ACACA: variants seen among roughly 807,000 people sequenced by gnomAD.
ACACA encodes the protein acetyl-CoA carboxylase alpha.
ACACA carries 103 observed loss-of-function variants against 296.1 expected under a neutral mutation model. The ratio of observed to expected loss-of-function variants is 0.35; its 90% CI spans 0.30 to 0.41. ACACA has a LOEUF of 0.41. ACACA is among the 10% of genes least tolerant of loss of function. The pLI, the probability that ACACA is intolerant of heterozygous loss-of-function variation, is 1.00. For synonymous variants in ACACA, 953 were observed against 1,038.6 expected (o/e 0.92, Z 1.58); for missense variants, 1,554 against 2,989.7 (o/e 0.52, Z 11.20).
At chr17:37,205,323 G>A (rs770211960) in intron 33 of ACACA, among the ~76,000 whole-genome samples, 6 of 152,120 alleles carry the variant, frequency 3.9e-5, no homozygotes, top group East Asian at 1.9e-4. Context: ...AGACGATGGC[G>A]TTTGATGTCA....
At position 37,298,642 on chromosome 17, in the gene ACACA, G is replaced by A. The variant is rs1056362313; in HGVS notation, c.339-13672C>T. ...TTCAAGGCTACTGTGAGCTATGACC[G>A]CGCCACTGCACAAGCAAATCATTCA... On this transcript the variant is annotated intron_variant, in intron 3 of 55. Coordinates refer to ENST00000616317, the MANE Select transcript of ACACA (RefSeq NM_198834.3). Among the ~76,000 whole-genome samples the A allele has an allele frequency of 5.3e-5, 8 of 152,212 alleles. No homozygotes were observed. In the East Asian group the frequency reaches 5.8e-4, roughly 11 times the overall value.
chr17:37,129,865 A>G (rs1172069082), intron 46 of ACACA, among the ~76,000 whole-genome samples: 1 of 152,202 alleles, frequency 6.6e-6, no homozygotes, highest in Non-Finnish European at 1.5e-5. Flanking sequence ...AGACATTAGA[A>G]AGGGGCCCAA....
At chr17:37,193,281 T>C (rs1272682118) in intron 36 of ACACA, 93 bp downstream of exon 36, 2 of 943,156 alleles carry the variant, frequency 2.1e-6, no homozygotes, top group Non-Finnish European at 3.3e-6. Context: ...GAAAAAAGAA[T>C]GGCAAGAAGA....
intron 50 of ACACA, among the ~76,000 whole-genome samples, chr17:37,117,789 G>GT (rs57262044): frequency 0.31 from 45,633 of 147,082 alleles, 8,885 homozygotes; most frequent in African/African-American, 0.55. Context: ...GACTAGTAGA[G>GT]TTTTTTTTTT....
intron 3 of ACACA, among the ~76,000 whole-genome samples, chr17:37,317,928 T>C (rs1469456286): frequency 6.6e-6 from 1 of 152,152 alleles, no homozygotes; most frequent in African/African-American, 2.4e-5. Flanking sequence ...GAGTACCAAG[T>C]TGCAGATCTC....
intron 1 of ACACA, among the ~76,000 whole-genome samples, chr17:37,390,251 T>TA (rs1555672161): frequency 1.8e-3 from 58 of 32,934 alleles, no homozygotes; most frequent in African/African-American, 8.5e-3. Context: ...ATTATATATA[T>TA]ATTATATATA....
chr17:37,306,851 C>T (rs1347909053), intron 3 of ACACA, among the ~76,000 whole-genome samples: 2 of 151,958 alleles, frequency 1.3e-5, no homozygotes, highest in Non-Finnish European at 2.9e-5. Flanking sequence ...AGCACCACCA[C>T]ACCCAGGTAA....
intron 2 of ACACA, among the ~76,000 whole-genome samples, chr17:37,337,564 C>T (rs2147293931): frequency 6.6e-6 from 1 of 152,192 alleles, no homozygotes; most frequent in African/African-American, 2.4e-5. Flanking sequence ...AGCAATCCTC[C>T]AACCTCAACC....
intron 5 of ACACA, among the ~76,000 whole-genome samples, chr17:37,278,320 G>A (rs940262383): frequency 1.3e-5 from 2 of 152,180 alleles, no homozygotes; most frequent in African/African-American, 4.8e-5. Flanking sequence ...AGGGGCCCAA[G>A]TGCAATTACT....
At chr17:37,329,894 C>A (rs1299615364) in intron 3 of ACACA, among the ~76,000 whole-genome samples, 1 of 151,770 alleles carries the variant, frequency 6.6e-6, no homozygotes, top group East Asian at 1.9e-4. Context: ...TGAGCTGAGA[C>A]CGCACCACTG....
chr17:37,142,598 A>C (rs1216694687), intron 45 of ACACA, among the ~76,000 whole-genome samples: 2 of 152,246 alleles, frequency 1.3e-5, no homozygotes, highest in African/African-American at 4.8e-5. Flanking sequence ...ATGGGAGTAC[A>C]GGGACTGTCT....
At chr17:37,204,479 T>C (rs1350540571) in intron 33 of ACACA, among the ~76,000 whole-genome samples, 2 of 152,234 alleles carry the variant, frequency 1.3e-5, no homozygotes, top group South Asian at 2.1e-4. Flanking sequence ...TCCTGACTTA[T>C]CTAACCCCAT....
intron 41 of ACACA, among the ~76,000 whole-genome samples, chr17:37,165,495 A>T (rs938642043): frequency 3.3e-5 from 5 of 152,088 alleles, no homozygotes; most frequent in African/African-American, 1.2e-4. Flanking sequence ...TAGAAGCAGA[A>T]ATCTACTATA....
chr17:37,295,169 A>G (rs2083268244), intron 3 of ACACA, among the ~76,000 whole-genome samples: 1 of 152,164 alleles, frequency 6.6e-6, no homozygotes, highest in Non-Finnish European at 1.5e-5. Flanking sequence ...GGGATCAGGG[A>G]CCACAACTGG....
intron 55 of ACACA, 96 bp downstream of exon 55, chr17:37,088,842 A>C (rs943666187): frequency 9.4e-6 from 14 of 1,485,380 alleles, no homozygotes; most frequent in Non-Finnish European, 1.3e-5. Flanking sequence ...CAGAGATCAT[A>C]AGATTTCTGC....
intron 1 of ACACA, among the ~76,000 whole-genome samples, chr17:37,352,752 C>A (rs998647832): frequency 6.6e-6 from 1 of 151,896 alleles, no homozygotes; most frequent in East Asian, 1.9e-4. Flanking sequence ...AAAGAAATTT[C>A]TTCCTTAAGG....
intron 3 of ACACA, among the ~76,000 whole-genome samples, chr17:37,316,898 C>T (rs2047119459): frequency 6.6e-6 from 1 of 151,742 alleles, no homozygotes; most frequent in Admixed American, 6.6e-5. Flanking sequence ...CATGGCGAAA[C>T]CGTGTCTCTA....
At chr17:37,371,245 A>C (rs1206347573) in intron 1 of ACACA, among the ~76,000 whole-genome samples, 1 of 151,384 alleles carries the variant, frequency 6.6e-6, no homozygotes, top group South Asian at 2.1e-4. Context: ...ATGCCTGGCT[A>C]ATTTTGTATT....
At position 37,087,044 on chromosome 17, in the gene ACACA, A is replaced by G. The variant is rs1199992293; in HGVS notation, c.*272T>C. On this transcript the variant is annotated 3_prime_UTR_variant, in exon 56 of 56. Coordinates refer to ENST00000616317, the MANE Select transcript of ACACA (RefSeq NM_198834.3). ...CTCATGGTACATGTTTGTACCTTTC[A>G]TTGCCTTCTCAGTCCTGTGCAGGGA... 11 of 550,240 alleles carry G rather than the reference A, an allele frequency of 2.0e-5. 1 individual carries two copies. The South Asian group carries it at 2.2e-4, about 11-fold the overall frequency. The allele number at this position is 550,240 out of a possible 1,614,324, so 34.1% of individuals were successfully genotyped here.
Sources: gnomAD v4.1 joint callset for allele counts (sites outside exome capture counted in the v4.1 genomes callset) on GRCh38, gnomAD v4.1.1 for gene constraint, MANE v1.5 for transcripts, NCBI Gene and HGNC (gene_info 2026-07-23, HGNC 2026-07-21) for gene names.